RELN: variants seen among roughly 807,000 people sequenced by gnomAD.
RELN encodes the protein reelin.
RELN carries 108 observed loss-of-function variants against 427.6 expected under a neutral mutation model. The ratio of observed to expected loss-of-function variants is 0.25; its 90% CI spans 0.22 to 0.30. RELN has a LOEUF of 0.30. Among genes scored for constraint, RELN ranks in the 10% least tolerant of loss-of-function variants. RELN has a pLI of 1.00. For missense variants in RELN, 3,715 were observed against 4,302.8 expected (o/e 0.86, Z 3.82); for synonymous variants, 1,524 against 1,513.4 (o/e 1.01, Z -0.16).
At chr7:103,980,737 T>TTAAG (rs1289133011) in intron 1 of RELN, among the ~76,000 whole-genome samples, 2 of 152,230 alleles carry the variant, frequency 1.3e-5, no homozygotes, top group African/African-American at 4.8e-5. Flanking sequence ...CTGGCACATA[T>TTAAG]TAAGTGCTAC....
intron 16 of RELN, 45 bp downstream of exon 16, chr7:103,650,229 A>T (rs997823852): frequency 8.9e-7 from 1 of 1,128,930 alleles, no homozygotes. Context: ...GCACAGGAAG[A>T]CTCTACATCA....
chr7:103,682,095 T>C, intron 11 of RELN, 21 bp downstream of exon 11: 1 of 1,610,154 alleles, frequency 6.2e-7, no homozygotes, highest in South Asian at 1.1e-5. Flanking sequence ...ATACACAGCA[T>C]GGGAGATAGC....
chr7:103,627,687 C>T (rs960890030), intron 20 of RELN, among the ~76,000 whole-genome samples: 10 of 152,188 alleles, frequency 6.6e-5, no homozygotes, highest in African/African-American at 2.2e-4. Context: ...CGATTGCTCA[C>T]ATGTGGTTGT....
chr7:103,675,686 A>T (rs1297581223), intron 11 of RELN, among the ~76,000 whole-genome samples: 1 of 152,242 alleles, frequency 6.6e-6, no homozygotes, highest in Non-Finnish European at 1.5e-5. Context: ...GTACCAAAAC[A>T]GAGATATAGA....
Position 103,652,588 on chromosome 7 carries a change from T to A in RELN, c.1726A>T (p.Ile576Phe), listed in dbSNP as rs1832943447. 2.5e-6 allele frequency: 4 copies of A among 1,612,844 alleles called. No individual in the cohort carries two copies. The South Asian group carries it at 4.4e-5, about 18-fold the overall frequency. The change falls in exon 14 of 65, where the codon ATC becomes TTC. Residue 576 changes from isoleucine (I) to phenylalanine (F), a missense_variant. This residue lies in a region of RELN where 2,208 missense variants were observed against 2,361.7 expected (regional missense o/e 0.93). Coordinates refer to ENST00000428762, the MANE Select transcript of RELN (RefSeq NM_005045.4). ...TGATGCGTTCCACATCCCAGATTGATGGAAAACTGTATCATGTGAGACATT... is the reference window on the plus strand; with the variant it reads ...TGATGCGTTCCACATCCCAGATTGAAGGAAAACTGTATCATGTGAGACATT... ...STMSHMIQFSINLGCGTHQPG... is the reference protein window; with the variant it reads ...STMSHMIQFSFNLGCGTHQPG...
chr7:103,724,319 G>A (rs1324730536), intron 7 of RELN, among the ~76,000 whole-genome samples: 1 of 152,150 alleles, frequency 6.6e-6, no homozygotes, highest in African/African-American at 2.4e-5. Context: ...GAAGGGTCAA[G>A]TGCTATACAA....
chr7:103,928,226 T>C (rs1795788274), intron 1 of RELN, among the ~76,000 whole-genome samples: 1 of 152,232 alleles, frequency 6.6e-6, no homozygotes, highest in African/African-American at 2.4e-5. Context: ...AAATTCTGTA[T>C]GCTGGACTCA....
chr7:103,920,713 A>G (rs987351037), intron 1 of RELN, among the ~76,000 whole-genome samples: 1 of 151,744 alleles, frequency 6.6e-6, no homozygotes, highest in African/African-American at 2.4e-5. Context: ...ATCTGTGACT[A>G]TAGGGGTGTG....
intron 1 of RELN, among the ~76,000 whole-genome samples, chr7:103,965,891 T>C (rs1478791672): frequency 6.6e-6 from 1 of 152,206 alleles, no homozygotes; most frequent in African/African-American, 2.4e-5. Flanking sequence ...CAATATGCTC[T>C]TTTCTTATTC....
chr7:103,644,111 A>G (rs1359160182), intron 16 of RELN, among the ~76,000 whole-genome samples: 3 of 151,884 alleles, frequency 2.0e-5, no homozygotes, highest in African/African-American at 7.2e-5. Context: ...CAAGAGAAAA[A>G]AAATTCCATC....
At chr7:103,696,607 A>G (rs774828002) in intron 10 of RELN, among the ~76,000 whole-genome samples, 3 of 151,886 alleles carry the variant, frequency 2.0e-5, no homozygotes, top group Non-Finnish European at 4.4e-5. Flanking sequence ...TATGTCCCCA[A>G]CCTTTTCTGT....
At chr7:103,526,404 G>A (rs922505716) in intron 46 of RELN, among the ~76,000 whole-genome samples, 2 of 152,166 alleles carry the variant, frequency 1.3e-5, no homozygotes, top group Non-Finnish European at 2.9e-5. Context: ...TTTGTACTCT[G>A]GCACTAGTAG....
At chr7:103,593,237 G>A (rs1831461619) in intron 27 of RELN, among the ~76,000 whole-genome samples, 1 of 152,174 alleles carries the variant, frequency 6.6e-6, no homozygotes, top group Admixed American at 6.5e-5. Flanking sequence ...AGAGAACAAT[G>A]ATGACTGGAG....
In RELN at chr7:103,489,999, AG is replaced by A. The variant is rs1828594508; in HGVS notation, c.9606-101del. 6 of 1,394,528 alleles carry A rather than the reference AG, an allele frequency of 4.3e-6. No homozygotes were observed. The Admixed American group carries it at 1.1e-4, about 25-fold the overall frequency. 86.4% of individuals were successfully genotyped at this position (1,394,528 alleles called of 1,614,324 possible). A position where few individuals can be genotyped will look rare whatever the true frequency, so the allele number is the denominator to read the frequency against. On this transcript the variant is annotated intron_variant, in intron 59 of 64. Transcript: ENST00000428762. ...GGGAGAGGGGACTATTTGTGAGAAA[AG>A]GGCTTCCCAAATGTCTTCCTGAAGC...
chr7:103,474,763 T>C (rs1243529496), intron 64 of RELN, among the ~76,000 whole-genome samples: 1 of 151,252 alleles, frequency 6.6e-6, no homozygotes, highest in Admixed American at 6.6e-5. Flanking sequence ...TGAGCTATTA[T>C]AGTGGCCCCC....
intron 11 of RELN, among the ~76,000 whole-genome samples, chr7:103,671,099 T>A (rs1833382205): frequency 6.6e-6 from 1 of 152,116 alleles, no homozygotes; most frequent in Non-Finnish European, 1.5e-5. Context: ...GGATGTGCCA[T>A]AGGTGAAGAC....
Position 103,968,737 on chromosome 7 carries a change from G to A in RELN, c.226+20394C>T, listed in dbSNP as rs138140026. On this transcript the variant is annotated intron_variant, in intron 1 of 64. Transcript: ENST00000428762. This position sits in a 1 kb window ranked among gnomAD's most constrained non-coding sequence, Gnocchi z 4.3. ...GTGAAAATAGAACCCATGAGAAGAT[G>A]TATTTTTAAATGATCATCCAAAAAT... Among the ~76,000 whole-genome samples the A allele has an allele frequency of 6.6e-5, 10 of 152,158 alleles. No individual in the cohort carries two copies. The East Asian group carries it at 1.5e-3, about 23-fold the overall frequency.
At position 103,709,887 on chromosome 7, in the gene RELN, T is replaced by C. The variant is rs1203864640; in HGVS notation, c.806-8881A>G. Among the ~76,000 whole-genome samples the C allele has an allele frequency of 4.6e-5, 7 of 152,262 alleles. No individual in the cohort carries two copies. The East Asian group carries it at 1.3e-3, about 29-fold the overall frequency. The stretch of plus-strand genomic sequence containing the variant: ...TAGCAGTATATAGAAATCTCTATGG[T>C]CCCTATAAGACAAGGCAAAAGCAAT... On this transcript the variant is annotated intron_variant, in intron 8 of 64. Transcript: ENST00000428762.
chr7:103,491,854 T>TCACACA (rs1465537709), intron 58 of RELN, 99 bp downstream of exon 58: 274 of 377,808 alleles, frequency 7.3e-4, no homozygotes, highest in African/African-American at 5.3e-3. Flanking sequence ...TCTCTCTCTC[T>TCACACA]CTCACACACA....
Sources: gnomAD v4.1 joint callset for allele counts (sites outside exome capture counted in the v4.1 genomes callset) on GRCh38, gnomAD v4.1.1 for gene constraint, gnomAD v4.1.1 regional missense constraint, Gnocchi (gnomAD v3.1) non-coding constraint, MANE v1.5 for transcripts, NCBI Gene and HGNC (gene_info 2026-07-23, HGNC 2026-07-21) for gene names.